The following PTPRD variants were observed in gnomAD, a reference collection of about 807,000 sequenced individuals.
PTPRD encodes the protein protein tyrosine phosphatase receptor type D.
In PTPRD, 34 loss-of-function variants were observed where a neutral mutation model predicts 214.5. That is an observed-to-expected ratio of 0.16 (90% confidence interval 0.12 to 0.21). PTPRD has a LOEUF of 0.21. PTPRD is among the 10% of genes least tolerant of loss of function. The probability of loss-of-function intolerance (pLI) is 1.00; values close to 1 mark genes in which losing one functional copy is unlikely to be tolerated. For missense variants in PTPRD, 2,545 were observed against 2,398.7 expected (o/e 1.06, Z -1.27); for synonymous variants, 1,128 against 845.7 (o/e 1.33, Z -5.79).
intron 4 of PTPRD, among the ~76,000 whole-genome samples, chr9:9,946,411 C>G (rs983849694): frequency 2.0e-5 from 3 of 152,024 alleles, no homozygotes; most frequent in Admixed American, 1.3e-4. Flanking sequence ...AGAGGTTATA[C>G]GTTAAATTGT....
At chr9:8,825,494 C>T (rs1180785035) in intron 11 of PTPRD, among the ~76,000 whole-genome samples, 1 of 151,998 alleles carries the variant, frequency 6.6e-6, no homozygotes, top group Non-Finnish European at 1.5e-5. Flanking sequence ...TATAGGAGTA[C>T]ACTTAACTGT....
At chr9:10,268,512 A>T (rs1425541704) in intron 3 of PTPRD, among the ~76,000 whole-genome samples, 1 of 152,102 alleles carries the variant, frequency 6.6e-6, no homozygotes, top group Non-Finnish European at 1.5e-5. Flanking sequence ...CAAGGCTAAC[A>T]ATCTGTTACC....
At chr9:8,952,420 G>T (rs1361671385) in intron 11 of PTPRD, among the ~76,000 whole-genome samples, 2 of 151,942 alleles carry the variant, frequency 1.3e-5, no homozygotes, top group African/African-American at 2.4e-5. Context: ...AACACAATCT[G>T]TATGTTTTAC....
intron 26 of PTPRD, among the ~76,000 whole-genome samples, chr9:8,495,955 C>T (rs1361672954): frequency 6.6e-6 from 1 of 152,048 alleles, no homozygotes; most frequent in African/African-American, 2.4e-5. Flanking sequence ...GACTGACCGG[C>T]CAGCTTTTTA....
At chr9:9,671,532 G>A (rs2096832604) in intron 7 of PTPRD, among the ~76,000 whole-genome samples, 2 of 152,048 alleles carry the variant, frequency 1.3e-5, no homozygotes, top group South Asian at 2.1e-4. Flanking sequence ...AGAATGACAT[G>A]GTTTGGCTGT....
intron 12 of PTPRD, among the ~76,000 whole-genome samples, chr9:8,730,133 G>C (rs1189554190): frequency 1.3e-5 from 2 of 152,126 alleles, no homozygotes; most frequent in Non-Finnish European, 2.9e-5. Flanking sequence ...GCGGGCACCT[G>C]TAGTCCCAGC....
intron 9 of PTPRD, among the ~76,000 whole-genome samples, chr9:9,269,256 T>C (rs1010274953): frequency 6.6e-6 from 1 of 151,344 alleles, no homozygotes; most frequent in Non-Finnish European, 1.5e-5. Context: ...TATGAGACAG[T>C]GCTCAACATC....
chr9:9,505,374 T>C (rs943971567), intron 8 of PTPRD, among the ~76,000 whole-genome samples: 1 of 151,546 alleles, frequency 6.6e-6, no homozygotes, highest in Non-Finnish European at 1.5e-5. Context: ...AATTTTACTT[T>C]CCTCTTGCAA....
chr9:10,504,029 T>G (rs567206905), intron 2 of PTPRD, among the ~76,000 whole-genome samples: 1 of 141,372 alleles, frequency 7.1e-6, no homozygotes, highest in African/African-American at 2.6e-5. Context: ...AGCAGGAGAA[T>G]GGCGTGAACC....
intron 7 of PTPRD, among the ~76,000 whole-genome samples, chr9:9,699,102 AT>A (rs2097439624): frequency 6.6e-6 from 1 of 152,188 alleles, no homozygotes; most frequent in Admixed American, 6.5e-5. Flanking sequence ...TCAATTAAGA[AT>A]AATCCAATTT....
intron 11 of PTPRD, among the ~76,000 whole-genome samples, chr9:8,926,164 T>C: frequency 6.6e-6 from 1 of 152,054 alleles, no homozygotes; most frequent in Middle Eastern, 3.2e-3. Flanking sequence ...CCAAACTGCA[T>C]CCTCTGACTG....
intron 2 of PTPRD, among the ~76,000 whole-genome samples, chr9:10,393,305 T>TTG (rs200121575): frequency 2.0e-5 from 3 of 150,314 alleles, no homozygotes; most frequent in East Asian, 2.0e-4. Flanking sequence ...GTGTGTGTGT[T>TTG]TGTGTGTGTG....
intron 3 of PTPRD, among the ~76,000 whole-genome samples, chr9:10,143,148 T>C (rs950905561): frequency 5.3e-5 from 8 of 151,970 alleles, no homozygotes; most frequent in Non-Finnish European, 8.8e-5. Context: ...GGGAGAGGGA[T>C]AGCATTGGGA....
chr9:10,593,854 A>T (rs1340881008), intron 2 of PTPRD, among the ~76,000 whole-genome samples: 3 of 152,014 alleles, frequency 2.0e-5, no homozygotes, highest in Non-Finnish European at 2.9e-5. Context: ...GACAGAACAC[A>T]GGAAATCTAC....
At position 9,801,079 on chromosome 9, in the gene PTPRD, A is replaced by C. The variant is rs569033658; in HGVS notation, c.-367-34228T>G. 2.6e-5 allele frequency among the ~76,000 whole-genome samples: 4 copies of C among 152,304 alleles called. No individual in the cohort carries two copies. In the South Asian group the frequency reaches 8.3e-4, roughly 32 times the overall value. ...TATTTGCATTTGAGAAGGAAAAAAG[A>C]ATCAGACACTTATTTAAAAGTCATC... On this transcript the variant is annotated intron_variant, in intron 5 of 45. Coordinates refer to ENST00000381196, the MANE Select transcript of PTPRD (RefSeq NM_002839.4).
intron 8 of PTPRD, among the ~76,000 whole-genome samples, chr9:9,448,377 G>A (rs2145021646): frequency 6.6e-6 from 1 of 152,032 alleles, no homozygotes; most frequent in South Asian, 2.1e-4. Context: ...CCCCCATGCT[G>A]TTTTCAAGAT....
At chr9:9,050,204 C>G (rs1299126130) in intron 10 of PTPRD, among the ~76,000 whole-genome samples, 1 of 152,130 alleles carries the variant, frequency 6.6e-6, no homozygotes, top group East Asian at 1.9e-4. Flanking sequence ...ATACTTTTTC[C>G]CTTTAACATT....
rs141307886 is a variant in PTPRD, at chr9:8,609,446, C to G, written c.352+23871G>C. ...TTGATGAGTTGTGAAAAGCATTGCCCTTATGATAGAAGTATCATGAAAATA... is the reference window on the plus strand; with the variant it reads ...TTGATGAGTTGTGAAAAGCATTGCCGTTATGATAGAAGTATCATGAAAATA... On this transcript the variant is annotated intron_variant, in intron 14 of 45. Coordinates refer to ENST00000381196, the MANE Select transcript of PTPRD (RefSeq NM_002839.4). Among the ~76,000 whole-genome samples, 265 of 152,250 alleles carry G rather than the reference C, an allele frequency of 1.7e-3. 2 individuals are homozygous for G. The highest frequency in any genetic ancestry group is 0.016 in the East Asian group (84 of 5,174).
At chr9:10,243,303 A>G (rs1235656298) in intron 3 of PTPRD, among the ~76,000 whole-genome samples, 1 of 151,634 alleles carries the variant, frequency 6.6e-6, no homozygotes, top group Non-Finnish European at 1.5e-5. Context: ...TAAAGTGGCT[A>G]TTGCTTTTGA....
Sources: gnomAD v4.1 joint callset for allele counts (sites outside exome capture counted in the v4.1 genomes callset) on GRCh38, gnomAD v4.1.1 for gene constraint, MANE v1.5 for transcripts, NCBI Gene and HGNC (gene_info 2026-07-23, HGNC 2026-07-21) for gene names.